The following ARHGAP24 variants were observed in gnomAD, a reference collection of about 807,000 sequenced individuals.
ARHGAP24 encodes the protein Rho GTPase activating protein 24.
A neutral mutation model predicts 76.4 loss-of-function variants in ARHGAP24; 50 were observed. That is an observed-to-expected ratio of 0.65 (90% CI 0.52 to 0.83). The LOEUF is 0.83. Ranked by LOEUF, ARHGAP24 falls within the 40% of genes least tolerant of loss-of-function variation. The probability of loss-of-function intolerance (pLI) is 0.00; values close to 1 mark genes in which losing one functional copy is unlikely to be tolerated. For synonymous variants in ARHGAP24, 345 were observed against 323.3 expected, an observed-to-expected ratio of 1.07 and a Z score of -0.72; for missense variants, 930 against 914.2, an observed-to-expected ratio of 1.02 and a Z score of -0.22.
intron 3 of ARHGAP24, among the ~76,000 whole-genome samples, chr4:85,726,374 C>T (rs1050482204): frequency 6.6e-6 from 1 of 152,118 alleles, no homozygotes; most frequent in Non-Finnish European, 1.5e-5. Flanking sequence ...GAAAGGTTCT[C>T]CGAAGATATT....
intron 2 of ARHGAP24, among the ~76,000 whole-genome samples, chr4:85,626,158 C>A (rs1157523647): frequency 6.6e-6 from 1 of 152,198 alleles, no homozygotes; most frequent in East Asian, 1.9e-4. Context: ...GCAGTTTCTT[C>A]CTAGCCTTGA....
chr4:85,590,399 G>A (rs1057351345), intron 2 of ARHGAP24, among the ~76,000 whole-genome samples: 13 of 150,016 alleles, frequency 8.7e-5, no homozygotes, highest in Admixed American at 2.7e-4. Flanking sequence ...TCGCTCTGTC[G>A]CCCAGGCTGG....
intron 3 of ARHGAP24, among the ~76,000 whole-genome samples, chr4:85,852,846 A>G (rs1731316094): frequency 6.6e-6 from 1 of 152,176 alleles, no homozygotes; most frequent in East Asian, 1.9e-4. Flanking sequence ...CTCTGGAAGC[A>G]TCGTCCCAGA....
At chr4:85,867,233 T>G (rs2110185394) in intron 3 of ARHGAP24, among the ~76,000 whole-genome samples, 1 of 152,256 alleles carries the variant, frequency 6.6e-6, no homozygotes, top group Non-Finnish European at 1.5e-5. Flanking sequence ...ATTTTAATAT[T>G]TTTTAAATGT....
chr4:85,808,510 G>A (rs972366782), intron 3 of ARHGAP24, among the ~76,000 whole-genome samples: 8 of 152,122 alleles, frequency 5.3e-5, no homozygotes, highest in Admixed American at 2.0e-4. Flanking sequence ...ATCAGTTGCC[G>A]GTGTTCCTTA....
At chr4:85,572,874 C>CTTTTTTTTTTTTTTTTT (rs775780758) in intron 2 of ARHGAP24, among the ~76,000 whole-genome samples, 1 of 124,296 alleles carries the variant, frequency 8.0e-6, no homozygotes, top group African/African-American at 3.2e-5. Context: ...TTTTTTCTTT[C>CTTTTTTTTTTTTTTTTT]TTTTTTTTTT....
intron 1 of ARHGAP24, among the ~76,000 whole-genome samples, chr4:85,569,106 T>C (rs1159897485): frequency 6.6e-6 from 1 of 152,124 alleles, no homozygotes; most frequent in Non-Finnish European, 1.5e-5. Context: ...ATAAGTAGAA[T>C]TGTATACATG....
chr4:85,850,355 C>T (rs1202286351), intron 3 of ARHGAP24, among the ~76,000 whole-genome samples: 5 of 152,030 alleles, frequency 3.3e-5, no homozygotes, highest in African/African-American at 1.2e-4. Flanking sequence ...CTTTATTAGT[C>T]TTGCTAGCAG....
At position 85,634,307 on chromosome 4, in the gene ARHGAP24, C is replaced by T. The variant is rs1030059648; in HGVS notation, c.180+63586C>T. Among the ~76,000 whole-genome samples the T allele has an allele frequency of 2.0e-5, 3 of 151,790 alleles. No individual in the cohort carries two copies. The East Asian group carries it at 5.8e-4, about 29-fold the overall frequency. On this transcript the variant is annotated intron_variant, in intron 2 of 9. Transcript: ENST00000395184. ...TCTGCCTCCAGTTATAACTAATATT[C>T]CTTAAATACTCTATTTTTAATTTCA... is the stretch of plus-strand genomic sequence containing the variant.
chr4:85,968,705 T>C (rs1213522349), intron 5 of ARHGAP24, among the ~76,000 whole-genome samples: 1 of 152,082 alleles, frequency 6.6e-6, no homozygotes, highest in African/African-American at 2.4e-5. Context: ...TATATTAGAT[T>C]CTATCCAGAA....
chr4:85,749,561 A>G (rs762792760), intron 3 of ARHGAP24, among the ~76,000 whole-genome samples: 5 of 151,844 alleles, frequency 3.3e-5, no homozygotes, highest in Non-Finnish European at 2.9e-5. Flanking sequence ...GTTTTTTGTT[A>G]TTGTTGTTGT....
At chr4:85,762,278 T>A (rs1004739540) in intron 3 of ARHGAP24, among the ~76,000 whole-genome samples, 1 of 152,214 alleles carries the variant, frequency 6.6e-6, no homozygotes, top group Non-Finnish European at 1.5e-5. Context: ...ACCTGTAGCA[T>A]GCTACATCAT....
intron 3 of ARHGAP24, among the ~76,000 whole-genome samples, chr4:85,914,486 C>T (rs759034966): frequency 6.6e-6 from 1 of 152,140 alleles, no homozygotes; most frequent in Non-Finnish European, 1.5e-5. Flanking sequence ...TCATCTTAGA[C>T]GTATACACTG....
chr4:85,820,974 TTTTA>T (rs544634548), intron 3 of ARHGAP24, among the ~76,000 whole-genome samples: 12 of 152,124 alleles, frequency 7.9e-5, no homozygotes, highest in Non-Finnish European at 1.8e-4. Context: ...TATATAAATA[TTTTA>T]TTTGTCTATT....
intron 2 of ARHGAP24, among the ~76,000 whole-genome samples, chr4:85,655,918 T>C (rs1163927666): frequency 6.7e-6 from 1 of 149,860 alleles, no homozygotes; most frequent in Non-Finnish European, 1.5e-5. Flanking sequence ...ATATGTAAAG[T>C]TCTCTATGAG....
chr4:85,827,511 T>A (rs1461510693), intron 3 of ARHGAP24, among the ~76,000 whole-genome samples: 1 of 142,994 alleles, frequency 7.0e-6, no homozygotes, highest in African/African-American at 2.8e-5. Context: ...TGTGTGTGTG[T>A]GTGTGTTTAG....
intron 1 of ARHGAP24, among the ~76,000 whole-genome samples, chr4:85,498,608 G>A (rs913323040): frequency 1.3e-4 from 20 of 152,286 alleles, no homozygotes; most frequent in African/African-American, 4.8e-4. Context: ...ACAGGCCCGT[G>A]TAGTCATCTT....
chr4:85,651,931 T>C (rs2109981865), intron 2 of ARHGAP24, among the ~76,000 whole-genome samples: 1 of 152,228 alleles, frequency 6.6e-6, no homozygotes, highest in Admixed American at 6.6e-5. Context: ...GTATAAAAAT[T>C]ATTCAAAAAT....
chr4:85,531,600 T>C (rs1293187315), intron 1 of ARHGAP24, among the ~76,000 whole-genome samples: 1 of 152,144 alleles, frequency 6.6e-6, no homozygotes, highest in Non-Finnish European at 1.5e-5. Flanking sequence ...AAATCCTTAA[T>C]ACTGGTATTT....
Sources: gnomAD v4.1 joint callset for allele counts (sites outside exome capture counted in the v4.1 genomes callset) on GRCh38, gnomAD v4.1.1 for gene constraint, MANE v1.5 for transcripts, NCBI Gene and HGNC (gene_info 2026-07-23, HGNC 2026-07-21) for gene names.